Variants in KIRREL1 observed in about 807,000 individuals in gnomAD.
The protein encoded by KIRREL1 is kin of IRRE-like protein 1.
Under a neutral mutation model 83.3 loss-of-function variants are expected in KIRREL1, and 25 were observed. The observed-to-expected ratio is 0.30, with a 90% confidence interval of 0.22 to 0.42. The LOEUF (loss-of-function observed/expected upper bound fraction) is 0.42. Ranked by LOEUF, KIRREL1 falls within the 10% of genes least tolerant of loss-of-function variation. The pLI, the probability that KIRREL1 is intolerant of heterozygous loss-of-function variation, is 1.00. For missense variants in KIRREL1, 812 were observed against 1,032.3 expected (o/e 0.79, Z 2.92); for synonymous variants, 388 against 410.4 (o/e 0.95, Z 0.66).
intron 1 of KIRREL1, among the ~76,000 whole-genome samples, chr1:158,010,894 G>GGA (rs374462420): frequency 1.3e-5 from 2 of 152,178 alleles, no homozygotes; most frequent in Non-Finnish European, 2.9e-5. Flanking sequence ...AGGGAAGGGA[G>GGA]GAGAGAGAGA....
chr1:158,040,427 A>T (rs564253554), intron 1 of KIRREL1, among the ~76,000 whole-genome samples: 16 of 152,322 alleles, frequency 1.1e-4, no homozygotes, highest in African/African-American at 3.8e-4. Context: ...CCCAGGTTTT[A>T]TTGTTTTTAT....
intron 1 of KIRREL1, 113 bp from the exon 2 acceptor site, chr1:158,076,000 G>A: frequency 1.0e-6 from 1 of 980,262 alleles, no homozygotes; most frequent in Non-Finnish European, 1.5e-6. Flanking sequence ...GGACCGGAGA[G>A]TCCCCATCCC....
At position 158,088,084 on chromosome 1, in the gene KIRREL1, G is replaced by A. The variant is rs1662070487; in HGVS notation, c.846G>A (p.Thr282=). The part of the protein sequence containing the change: ...YETNVDYSFF[T]EPVSCEVHNK... Reference sequence around the variant, plus strand: ...CAAATGTGGATTATTCCTTTTTCACGGAGCCTGTGTCTTGTGAGGTTCACA... The same window carrying A: ...CAAATGTGGATTATTCCTTTTTCACAGAGCCTGTGTCTTGTGAGGTTCACA... The change falls in exon 7 of 15, where the codon ACG becomes ACA. Residue 282 remains threonine (T), a synonymous_variant. Coordinates refer to ENST00000359209, the MANE Select transcript of KIRREL1 (RefSeq NM_018240.7). 2.5e-6 allele frequency: 4 copies of A among 1,614,124 alleles called. No homozygotes were observed. Among genetic ancestry groups the A allele is most frequent in the Non-Finnish European group, 3.4e-6 (4 of 1,180,034 alleles).
intron 1 of KIRREL1, among the ~76,000 whole-genome samples, chr1:158,026,200 T>C (rs1660165487): frequency 6.6e-6 from 1 of 152,230 alleles, no homozygotes; most frequent in Admixed American, 6.5e-5. Flanking sequence ...CTTTGCCCTG[T>C]ATTTCTGTCT....
chr1:158,083,782 CCTTT>C (rs1399081077), intron 3 of KIRREL1, among the ~76,000 whole-genome samples: 1 of 152,110 alleles, frequency 6.6e-6, no homozygotes, highest in African/African-American at 2.4e-5. Context: ...ATAGCCCAGC[CCTTT>C]CTTAAGTTTG....
At chr1:158,091,663 G>A in intron 11 of KIRREL1, 107 bp downstream of exon 11, 1 of 1,079,452 alleles carries the variant, frequency 9.3e-7, no homozygotes, top group South Asian at 1.4e-5. Flanking sequence ...CTTGGGCTCT[G>A]CTCTGAGGGA....
chr1:158,042,311 G>A (rs76414028), intron 1 of KIRREL1, among the ~76,000 whole-genome samples: 5,004 of 151,830 alleles, frequency 0.033, 127 homozygotes, highest in African/African-American at 0.066. Context: ...AGGGGGGCCC[G>A]GCCTAGATGC....
rs3820677 is a variant in KIRREL1 at position 158,098,554 on chromosome 1, A to G, written c.*3434A>G. 0.43 allele frequency: 64,781 copies of G among 152,146 alleles called. 16,919 individuals are homozygous for G. Among genetic ancestry groups the G allele is most frequent in the East Asian group, 0.69 (3,582 of 5,166 alleles). The allele number at this position is 152,146 out of a possible 1,614,324, so 9.4% of individuals were successfully genotyped here. ...AGGGAAAGGGGTACAACAGCTTTGG[A>G]ATACATTCTGGATCTTGAGGAGGAT... On this transcript the variant is annotated 3_prime_UTR_variant, in exon 15 of 15. Coordinates refer to ENST00000359209, the MANE Select transcript of KIRREL1 (RefSeq NM_018240.7).
chr1:157,995,524 C>G (rs1659169805), intron 1 of KIRREL1, among the ~76,000 whole-genome samples: 1 of 152,010 alleles, frequency 6.6e-6, no homozygotes, highest in Non-Finnish European at 1.5e-5. Context: ...GGAGGAGGCC[C>G]CTGGGTCAGT....
chr1:158,021,099 G>A (rs1455952608), intron 1 of KIRREL1, among the ~76,000 whole-genome samples: 2 of 152,040 alleles, frequency 1.3e-5, no homozygotes, highest in South Asian at 4.2e-4. Context: ...GGCCAATGTG[G>A]GCTGGCATTG....
rs544319073 is a variant in KIRREL1 at position 158,079,344 on chromosome 1, G to A, written c.352+1204G>A. ...TGGTTGATTGGTTGGTGTTTTTTGAGACAGAGTCTCTGTCACCCAGGCTGG... is the reference window on the plus strand; with the variant it reads ...TGGTTGATTGGTTGGTGTTTTTTGAAACAGAGTCTCTGTCACCCAGGCTGG... On this transcript the variant is annotated intron_variant, in intron 3 of 14. Coordinates refer to ENST00000359209, the MANE Select transcript of KIRREL1 (RefSeq NM_018240.7). Among the ~76,000 whole-genome samples, 4 of 152,278 alleles carry A rather than the reference G, an allele frequency of 2.6e-5. No homozygotes were observed. The East Asian group carries it at 7.7e-4, about 29-fold the overall frequency.
rs1322805367 is a variant in KIRREL1 at position 158,087,507 on chromosome 1, C to G, written c.662-248C>G. 3.3e-5 allele frequency among the ~76,000 whole-genome samples: 5 copies of G among 152,182 alleles called. No homozygotes were observed. In the South Asian group the frequency reaches 8.3e-4, roughly 25 times the overall value. ...AGCTCACACTGACGCCTAGTGGCCACAGTGGGTCATTAGTCCATTGAGTTA... is the reference window on the plus strand; with the variant it reads ...AGCTCACACTGACGCCTAGTGGCCAGAGTGGGTCATTAGTCCATTGAGTTA... On this transcript the variant is annotated intron_variant, in intron 5 of 14. Coordinates refer to ENST00000359209, the MANE Select transcript of KIRREL1 (RefSeq NM_018240.7).
At chr1:158,018,559 G>T (rs1197149692) in intron 1 of KIRREL1, among the ~76,000 whole-genome samples, 1 of 152,202 alleles carries the variant, frequency 6.6e-6, no homozygotes, top group Non-Finnish European at 1.5e-5. Context: ...AGGACTTTGA[G>T]GAGAAAAGAC....
At chr1:158,045,593 G>A (rs1660758070) in intron 1 of KIRREL1, among the ~76,000 whole-genome samples, 1 of 152,194 alleles carries the variant, frequency 6.6e-6, no homozygotes, top group Non-Finnish European at 1.5e-5. Context: ...CTCTCCCTGT[G>A]GAATCAAGAC....
chr1:158,021,209 T>C (rs890860224), intron 1 of KIRREL1, among the ~76,000 whole-genome samples: 2 of 152,202 alleles, frequency 1.3e-5, no homozygotes, highest in Non-Finnish European at 2.9e-5. Context: ...ATCCTTTTGG[T>C]TGTTCTTCAG....
intron 1 of KIRREL1, among the ~76,000 whole-genome samples, chr1:158,023,635 C>T (rs1571544451): frequency 6.6e-6 from 1 of 152,288 alleles, no homozygotes; most frequent in East Asian, 1.9e-4. Flanking sequence ...ACTTGTGTGT[C>T]TTCTACCAGC....
At position 158,100,169 on chromosome 1, in the gene KIRREL1, A is replaced by G. The variant is rs1662456654; in HGVS notation, c.*5049A>G. 1 of 150,474 alleles carries G rather than the reference A, an allele frequency of 6.6e-6. No individual in the cohort carries two copies. The highest frequency in any genetic ancestry group is 2.4e-5 in the African/African-American group (1 of 41,172). The allele number at this position is 150,474 out of a possible 1,614,324, so 9.3% of individuals were successfully genotyped here. ...TTCTACTTTTTTTTCCTTTTTTTAA[A>G]AATATTATGTACTATATTTTTAGTC... On this transcript the variant is annotated 3_prime_UTR_variant, in exon 15 of 15. Transcript: ENST00000359209.
At chr1:158,009,662 G>A (rs575232110) in intron 1 of KIRREL1, among the ~76,000 whole-genome samples, 3 of 152,318 alleles carry the variant, frequency 2.0e-5, no homozygotes, top group African/African-American at 7.2e-5. Context: ...AGTCATGGCA[G>A]CCTGTTCTGG....
intron 1 of KIRREL1, among the ~76,000 whole-genome samples, chr1:157,998,452 A>G (rs572234046): frequency 3.4e-4 from 52 of 152,336 alleles, no homozygotes; most frequent in African/African-American, 1.2e-3. Flanking sequence ...TGATGATATG[A>G]TAAATCTAGT....
Sources: gnomAD v4.1 joint callset for allele counts (sites outside exome capture counted in the v4.1 genomes callset) on GRCh38, gnomAD v4.1.1 for gene constraint, MANE v1.5 for transcripts, NCBI Gene and HGNC (gene_info 2026-07-23, HGNC 2026-07-21) for gene names.